GSG1L: variants seen among roughly 807,000 people sequenced by gnomAD.
GSG1L encodes the protein GSG1 like.
Under a neutral mutation model 42.1 loss-of-function variants are expected in GSG1L, and 24 were observed. The observed-to-expected ratio is 0.57, with a 90% CI of 0.41 to 0.80. The LOEUF is 0.80. Among genes scored for constraint, GSG1L ranks in the 30% least tolerant of loss-of-function variants. GSG1L has a pLI of 0.00. For synonymous variants in GSG1L, 215 were observed against 203.5 expected (o/e 1.06, Z -0.48); for missense variants, 445 against 472.2 (o/e 0.94, Z 0.53).
intron 1 of GSG1L, among the ~76,000 whole-genome samples, chr16:27,981,194 G>A (rs934627145): frequency 7.9e-5 from 12 of 152,202 alleles, no homozygotes; most frequent in Non-Finnish European, 1.6e-4. Flanking sequence ...ACTCAAATCT[G>A]GCTGGTTCAA....
intron 2 of GSG1L, among the ~76,000 whole-genome samples, chr16:27,960,056 G>C (rs547942911): frequency 6.6e-6 from 1 of 152,154 alleles, no homozygotes; most frequent in African/African-American, 2.4e-5. Flanking sequence ...GAGGGTATTG[G>C]AGAAAATGGG....
At chr16:27,962,921 C>G (rs2085086255) in intron 2 of GSG1L, among the ~76,000 whole-genome samples, 1 of 152,200 alleles carries the variant, frequency 6.6e-6, no homozygotes, top group Non-Finnish European at 1.5e-5. Flanking sequence ...GGTGATGACC[C>G]TCAGGACTAC....
At chr16:27,916,678 A>G (rs1165499772) in intron 2 of GSG1L, among the ~76,000 whole-genome samples, 1 of 151,958 alleles carries the variant, frequency 6.6e-6, no homozygotes, top group Non-Finnish European at 1.5e-5. Flanking sequence ...CAGAATTCCC[A>G]TCTCAGGCTC....
intron 4 of GSG1L, among the ~76,000 whole-genome samples, chr16:27,839,917 C>A (rs916801963): frequency 1.3e-5 from 2 of 152,234 alleles, no homozygotes; most frequent in Non-Finnish European, 2.9e-5. Flanking sequence ...GTTTCCTGGT[C>A]CCTGAAGGGG....
chr16:28,005,065 GGTAGGGCTGATTCC>G (rs1567552384), intron 1 of GSG1L, among the ~76,000 whole-genome samples: 1 of 152,168 alleles, frequency 6.6e-6, no homozygotes, highest in Admixed American at 6.5e-5. Flanking sequence ...TTAAGAGGTT[GGTAGGGCTGATTCC>G]TTCTGAGGGC....
chr16:27,881,713 A>C (rs1339154071), intron 3 of GSG1L, among the ~76,000 whole-genome samples: 1 of 152,052 alleles, frequency 6.6e-6, no homozygotes, highest in African/African-American at 2.4e-5. Flanking sequence ...TAAAGATGTT[A>C]TTTCCCCCAA....
At chr16:28,002,869 G>A (rs924715687) in intron 1 of GSG1L, among the ~76,000 whole-genome samples, 3 of 152,080 alleles carry the variant, frequency 2.0e-5, no homozygotes, top group East Asian at 1.9e-4. Context: ...CCTGGGAGGC[G>A]GAGCTTGCAG....
intron 1 of GSG1L, among the ~76,000 whole-genome samples, chr16:27,977,047 G>A (rs995625161): frequency 2.0e-5 from 3 of 152,164 alleles, no homozygotes; most frequent in African/African-American, 7.2e-5. Flanking sequence ...TTAGAGCCAG[G>A]ATCCCACAAC....
chr16:28,037,007 T>G (rs60236051), intron 1 of GSG1L, among the ~76,000 whole-genome samples: 35,146 of 152,036 alleles, frequency 0.23, 4,838 homozygotes, highest in East Asian at 0.33. Flanking sequence ...TATCTTTGGT[T>G]GTTGTTGTTG....
At chr16:27,874,227 T>A (rs1200030643) in intron 3 of GSG1L, among the ~76,000 whole-genome samples, 1 of 152,084 alleles carries the variant, frequency 6.6e-6, no homozygotes, top group African/African-American at 2.4e-5. Flanking sequence ...GCTAGTGAGA[T>A]GAGATGATGA....
At position 27,858,888 on chromosome 16, in the gene GSG1L, GT is replaced by G. The variant is rs2083609749; in HGVS notation, c.551-13828del. ...TGGAAGATAATGATTGAGTCAGTTA[GT>G]TTAGCCAAGGAAGTCAGGGTAGGCC... On this transcript the variant is annotated intron_variant, in intron 3 of 6. Transcript: ENST00000447459. 2.6e-5 allele frequency among the ~76,000 whole-genome samples: 4 copies of G among 152,230 alleles called. No homozygotes were observed. In the South Asian group the frequency reaches 8.3e-4, roughly 32 times the overall value.
intron 5 of GSG1L, 31 bp downstream of exon 5, chr16:27,828,758 G>A (rs766308433): frequency 1.0e-4 from 165 of 1,596,702 alleles, no homozygotes; most frequent in Non-Finnish European, 1.4e-4. Flanking sequence ...GAGTCCCCGT[G>A]GTGGCCAGAG....
At chr16:27,952,414 C>A (rs1455048120) in intron 2 of GSG1L, among the ~76,000 whole-genome samples, 6 of 152,244 alleles carry the variant, frequency 3.9e-5, no homozygotes. Context: ...CATTTCTAAG[C>A]TGGGTTTTGA....
At chr16:27,796,215 T>G (rs1213313987) in intron 6 of GSG1L, among the ~76,000 whole-genome samples, 1 of 152,196 alleles carries the variant, frequency 6.6e-6, no homozygotes, top group Non-Finnish European at 1.5e-5. Flanking sequence ...AAAGCCTCTC[T>G]CTATAGGACT....
chr16:27,861,573 G>T (rs947242056), intron 3 of GSG1L, among the ~76,000 whole-genome samples: 2 of 152,102 alleles, frequency 1.3e-5, no homozygotes, highest in Non-Finnish European at 2.9e-5. Flanking sequence ...ATTCACTATA[G>T]CAGAGCATTG....
intron 3 of GSG1L, among the ~76,000 whole-genome samples, chr16:27,873,201 A>C (rs1217119658): frequency 6.6e-6 from 1 of 152,202 alleles, no homozygotes; most frequent in Admixed American, 6.5e-5. Flanking sequence ...AAATTCCCAG[A>C]AGTTCTAAAA....
Position 27,823,956 on chromosome 16 carries a change from G to C in GSG1L, c.830+4833C>G, listed in dbSNP as rs189484205. ...GACAATAACACTTACACATAGAAAG[G>C]CATCGCAGAAATTAACTGAGTCACA... On this transcript the variant is annotated intron_variant, in intron 5 of 6. Transcript: ENST00000447459. 3.9e-4 allele frequency: 273 copies of C among 702,728 alleles called. 1 individual carries two copies. In the East Asian group the frequency reaches 5.7e-3, roughly 15 times the overall value. 43.5% of individuals were successfully genotyped at this position (702,728 alleles called of 1,614,324 possible). A position where few individuals can be genotyped will look rare whatever the true frequency, so the allele number is the denominator to read the frequency against.
chr16:27,875,722 T>C (rs1216624515), intron 3 of GSG1L, among the ~76,000 whole-genome samples: 1 of 152,142 alleles, frequency 6.6e-6, no homozygotes, highest in African/African-American at 2.4e-5. Flanking sequence ...TCTGGCATGG[T>C]AATTTGTTTA....
chr16:27,842,751 G>A (rs956668481), intron 4 of GSG1L, among the ~76,000 whole-genome samples: 3 of 152,136 alleles, frequency 2.0e-5, no homozygotes, highest in Admixed American at 6.5e-5. Flanking sequence ...GCAGAGAGTG[G>A]AGATGGAGCT....
Sources: gnomAD v4.1 joint callset for allele counts (sites outside exome capture counted in the v4.1 genomes callset) on GRCh38, gnomAD v4.1.1 for gene constraint, MANE v1.5 for transcripts, NCBI Gene and HGNC (gene_info 2026-07-23, HGNC 2026-07-21) for gene names.